Variants in BRWD3 observed in about 807,000 individuals in gnomAD.
BRWD3 encodes bromodomain and WD repeat domain containing 3.
Under a neutral mutation model 149.7 loss-of-function variants are expected in BRWD3, and 10 were observed. The ratio of observed to expected loss-of-function variants is 0.07; its 90% confidence interval spans 0.04 to 0.11. BRWD3 has a LOEUF of 0.11. BRWD3 is among the 10% of genes least tolerant of loss of function. BRWD3 has a pLI of 1.00. For missense variants in BRWD3, 940 were observed against 1,373.2 expected (o/e 0.68, Z 4.99); for synonymous variants, 504 against 456.7 (o/e 1.10, Z -1.32).
chrX:80,781,937 T>A (rs1411280039), intron 6 of BRWD3, among the ~76,000 whole-genome samples: 2 of 111,939 alleles, frequency 1.8e-5, no homozygotes, highest in African/African-American at 6.5e-5. Context: ...CTACTCAAAG[T>A]AATCTACAGA....
At chrX:80,795,352 TAC>T (rs200518888) in intron 4 of BRWD3, among the ~76,000 whole-genome samples, 131 of 108,504 alleles carry the variant, frequency 1.2e-3, no homozygotes, top group Middle Eastern at 4.9e-3. Flanking sequence ...TGTATATATA[TAC>T]ACACACACAC....
intron 6 of BRWD3, among the ~76,000 whole-genome samples, chrX:80,749,527 T>A (rs2073638183): frequency 1.8e-5 from 2 of 111,412 alleles, no homozygotes; most frequent in African/African-American, 6.5e-5. Flanking sequence ...TGGATTCCAT[T>A]TGTATGGAAC....
intron 20 of BRWD3, among the ~76,000 whole-genome samples, chrX:80,713,381 A>C (rs1036460391): frequency 3.6e-5 from 4 of 112,312 alleles, no homozygotes; most frequent in Non-Finnish European, 7.5e-5. Context: ...CTGTTGATCT[A>C]TGACCTTAAC....
At chrX:80,726,329 T>C (rs79794839) in intron 14 of BRWD3, among the ~76,000 whole-genome samples, 1,034 of 62,323 alleles carry the variant, frequency 0.017, 27 homozygotes, top group South Asian at 0.08. Context: ...ACATATAACA[T>C]GTTTACATGT....
chrX:80,798,773 A>T (rs1447654369), intron 4 of BRWD3, among the ~76,000 whole-genome samples: 1 of 111,822 alleles, frequency 8.9e-6, no homozygotes, highest in Non-Finnish European at 1.9e-5. Context: ...TCTCTACCAA[A>T]AAAGGTTTTT....
intron 6 of BRWD3, among the ~76,000 whole-genome samples, chrX:80,776,534 A>T (rs929086219): frequency 8.9e-6 from 1 of 111,888 alleles, no homozygotes; most frequent in African/African-American, 3.2e-5. Flanking sequence ...TCTATCCAGG[A>T]CTGAAAGAGT....
Position 80,688,133 on chromosome X carries a change from A to C in BRWD3, c.3808-8T>G. On this transcript the variant is annotated splice_region_variant and splice_polypyrimidine_tract_variant and intron_variant, in intron 33 of 40. Transcript: ENST00000373275. Reference sequence around the variant, plus strand: ...ATCAACAATTTCTGTATCCTTAATTAAAAAGGAAGAGTGGGAAAAGACGTT... The same window carrying C: ...ATCAACAATTTCTGTATCCTTAATTCAAAAGGAAGAGTGGGAAAAGACGTT... The C allele has an allele frequency of 8.4e-7, 1 of 1,183,593 alleles. No individual in the cohort carries two copies. The highest frequency in any genetic ancestry group is 1.7e-5 in the African/African-American group (1 of 57,222).
chrX:80,735,367 C>T lies in BRWD3; in HGVS notation c.915-170G>A, dbSNP rs1295175538. On this transcript the variant is annotated intron_variant, in intron 9 of 40. Coordinates refer to ENST00000373275, the MANE Select transcript of BRWD3 (RefSeq NM_153252.5). ...CAATTAGGTTAAAAATGCATTTAAC[C>T]TTGCAAATATACTTTATGATATCAG... Among the ~76,000 whole-genome samples the T allele has an allele frequency of 2.7e-5, 3 of 111,357 alleles. No individual in the cohort carries two copies. The East Asian group carries it at 8.4e-4, about 31-fold the overall frequency.
intron 6 of BRWD3, among the ~76,000 whole-genome samples, chrX:80,780,546 G>A (rs757441583): frequency 1.5e-3 from 167 of 111,669 alleles, no homozygotes; most frequent in Admixed American, 2.2e-3. Context: ...AACAATCATA[G>A]CACTTCCATC....
intron 21 of BRWD3, among the ~76,000 whole-genome samples, chrX:80,708,002 C>A (rs1166935187): frequency 8.9e-6 from 1 of 111,905 alleles, no homozygotes; most frequent in East Asian, 2.8e-4. Flanking sequence ...TAGTTTGATG[C>A]ACAATATGAC....
At chrX:80,745,037 T>G (rs1232343108) in intron 7 of BRWD3, among the ~76,000 whole-genome samples, 1 of 111,868 alleles carries the variant, frequency 8.9e-6, no homozygotes, top group East Asian at 2.8e-4. Context: ...TTGGAAATAC[T>G]GGTGTACTAC....
chrX:80,746,047 A>G (rs995208606), intron 6 of BRWD3, among the ~76,000 whole-genome samples: 3 of 110,748 alleles, frequency 2.7e-5, no homozygotes, highest in African/African-American at 9.8e-5. Context: ...ATATAGGTAA[A>G]TCTTTCTATA....
At chrX:80,745,140 A>C (rs1238850808) in intron 7 of BRWD3, among the ~76,000 whole-genome samples, 1 of 111,419 alleles carries the variant, frequency 9.0e-6, no homozygotes, top group Non-Finnish European at 1.9e-5. Flanking sequence ...AGATATAAAA[A>C]ATAGCTATAA....
rs1377378607 is a variant in BRWD3, at chrX:80,778,542, G to A, written c.430+13312C>T. Among the ~76,000 whole-genome samples the A allele has an allele frequency of 4.5e-5, 5 of 112,246 alleles. No individual in the cohort carries two copies. In the Admixed American group the frequency reaches 4.7e-4, roughly 11 times the overall value. On this transcript the variant is annotated intron_variant, in intron 6 of 40. Coordinates refer to ENST00000373275, the MANE Select transcript of BRWD3 (RefSeq NM_153252.5). Reference sequence around the variant, plus strand: ...AGGGCAGAAAGGACTACTGTTCATAGATCAGGCTTCTTGTACCATACCTAT... The same window carrying A: ...AGGGCAGAAAGGACTACTGTTCATAAATCAGGCTTCTTGTACCATACCTAT...
rs189562315 is a variant in BRWD3 at position 80,670,489 on chromosome X, C to T, written c.*6120G>A. On this transcript the variant is annotated 3_prime_UTR_variant, in exon 41 of 41. Coordinates refer to ENST00000373275, the MANE Select transcript of BRWD3 (RefSeq NM_153252.5). ...GGAGTGCAGTGGCATGATCACAGCTCACTGCAGCCTTGACCTCCCAGGCTC... is the reference window on the plus strand; with the variant it reads ...GGAGTGCAGTGGCATGATCACAGCTTACTGCAGCCTTGACCTCCCAGGCTC... 5.6e-4 allele frequency among the ~76,000 whole-genome samples: 62 copies of T among 110,569 alleles called. No homozygotes were observed. The highest frequency in any genetic ancestry group is 1.9e-3 in the African/African-American group (59 of 30,395).
At chrX:80,707,650 A>G in intron 21 of BRWD3, 147 bp from the exon 22 acceptor site, 1 of 516,369 alleles carries the variant, frequency 1.9e-6, no homozygotes, top group Non-Finnish European at 3.3e-6. Context: ...TATTGTTCTA[A>G]GTATATCTGT....
In BRWD3 at chrX:80,717,635, T is replaced by C. The variant is rs2073092003; in HGVS notation, c.2169A>G (p.Glu723=). The part of the protein sequence containing the change: ...NNAPRSQMAT[E]RDLMAWSRRV... ...TTCTGCTCCACGCCATGAGATCTCT[T>C]TCAGTGGCCATCTGGCTCCGAGGAG... The change falls in exon 19 of 41, where the codon GAA becomes GAG. Residue 723 remains glutamate (E), a synonymous_variant. Coordinates refer to ENST00000373275, the MANE Select transcript of BRWD3 (RefSeq NM_153252.5). The C allele has an allele frequency of 8.3e-7, 1 of 1,211,521 alleles. No homozygotes were observed. Among genetic ancestry groups the C allele is most frequent in the East Asian group, 3.0e-5 (1 of 33,824 alleles).
rs2072618329 is a variant in BRWD3 at position 80,691,990 on chromosome X, A to AT, written c.3326-13dup. 2 of 1,179,382 alleles carry AT rather than the reference A, an allele frequency of 1.7e-6. No homozygotes were observed. Among genetic ancestry groups the AT allele is most frequent in the Non-Finnish European group, 2.3e-6 (2 of 878,300 alleles). ...ATCTGGAAAGGCAGCTAGGTATAAG[A>AT]TAAAAAAAAAAAAATTAGAAAAAAT... On this transcript the variant is annotated splice_polypyrimidine_tract_variant and intron_variant, in intron 29 of 40. Coordinates refer to ENST00000373275, the MANE Select transcript of BRWD3 (RefSeq NM_153252.5).
intron 6 of BRWD3, among the ~76,000 whole-genome samples, chrX:80,756,127 GTTTA>G (rs1010585805): frequency 7.2e-5 from 8 of 111,292 alleles, no homozygotes; most frequent in African/African-American, 2.6e-4. Flanking sequence ...CAGTTCAGCG[GTTTA>G]TTTATTTATT....
Sources: gnomAD v4.1 joint callset for allele counts (sites outside exome capture counted in the v4.1 genomes callset) on GRCh38, gnomAD v4.1.1 for gene constraint, MANE v1.5 for transcripts, NCBI Gene and HGNC (gene_info 2026-07-23, HGNC 2026-07-21) for gene names.